The following SH3BGRL2 variants were observed in gnomAD, a reference collection of about 807,000 sequenced individuals.
SH3BGRL2 encodes the protein SH3 domain binding glutamate rich protein like 2, also known as SH3 domain-binding glutamic acid-rich-like protein 2.
SH3BGRL2 carries 21 observed loss-of-function variants against 14.8 expected under a neutral mutation model. That is an observed-to-expected ratio of 1.42 (90% CI 1.01 to 2.05). The LOEUF is 2.05. SH3BGRL2 is among the 30% of genes most tolerant of loss of function. The probability of loss-of-function intolerance (pLI) is 0.00; values close to 1 mark genes in which losing one functional copy is unlikely to be tolerated. For synonymous variants in SH3BGRL2, 50 were observed against 47.8 expected, an observed-to-expected ratio of 1.05 and a Z score of -0.19; for missense variants, 147 against 130.8, an observed-to-expected ratio of 1.12 and a Z score of -0.61.
At chr6:79,619,632 G>A in the SH3BGRL2 span, among the ~76,000 whole-genome samples, 1 of 152,182 alleles carries the variant, frequency 6.6e-6, no homozygotes, top group Non-Finnish European at 1.5e-5. Context: ...AACTCCACTT[G>A]CCTTTGCAGG....
chr6:79,611,667 C>A, the SH3BGRL2 span, among the ~76,000 whole-genome samples: 1 of 152,160 alleles, frequency 6.6e-6, no homozygotes, highest in East Asian at 1.9e-4. Flanking sequence ...CCACCTCGGC[C>A]TCCCAAAGTG....
intron 1 of SH3BGRL2, among the ~76,000 whole-genome samples, chr6:79,671,433 G>A (rs1769771661): frequency 6.6e-6 from 1 of 152,170 alleles, no homozygotes; most frequent in South Asian, 2.1e-4. Context: ...TGTGCAACAA[G>A]AGTGAAACTC....
intron 1 of SH3BGRL2, among the ~76,000 whole-genome samples, chr6:79,668,723 G>A (rs1304884704): frequency 6.6e-6 from 1 of 152,026 alleles, no homozygotes; most frequent in Middle Eastern, 3.2e-3. Context: ...AACCATTTGA[G>A]CAAAACAAAA....
intron 1 of SH3BGRL2, among the ~76,000 whole-genome samples, chr6:79,673,269 G>C (rs958240423): frequency 1.3e-5 from 2 of 152,084 alleles, no homozygotes; most frequent in Non-Finnish European, 2.9e-5. Flanking sequence ...GGGGAGTCTA[G>C]GTTGAAGAAA....
At chr6:79,668,606 G>A (rs1021839251) in intron 1 of SH3BGRL2, among the ~76,000 whole-genome samples, 1 of 152,028 alleles carries the variant, frequency 6.6e-6, no homozygotes, top group Admixed American at 6.6e-5. Context: ...TTAGTGGGGG[G>A]GAGTGGTTGA....
chr6:79,547,323 G>C, the SH3BGRL2 span, among the ~76,000 whole-genome samples: 1 of 152,102 alleles, frequency 6.6e-6, no homozygotes, highest in South Asian at 2.1e-4. Flanking sequence ...GCACAACCCA[G>C]AGATGAAGCT....
chr6:79,680,881 A>G (rs1202907679), intron 2 of SH3BGRL2, among the ~76,000 whole-genome samples: 3 of 152,208 alleles, frequency 2.0e-5, no homozygotes, highest in African/African-American at 7.2e-5. Context: ...ATTAGTGTCT[A>G]AAAACACAAC....
the SH3BGRL2 span, among the ~76,000 whole-genome samples, chr6:79,544,495 C>G: frequency 2.6e-5 from 4 of 152,138 alleles, no homozygotes; most frequent in Non-Finnish European, 5.9e-5. Context: ...TCAAAATCAA[C>G]CACGGTGAAA....
At chr6:79,660,761 T>C (rs1293510910) in intron 1 of SH3BGRL2, among the ~76,000 whole-genome samples, 1 of 152,196 alleles carries the variant, frequency 6.6e-6, no homozygotes, top group Admixed American at 6.5e-5. Context: ...TGTGAATCGG[T>C]CTGGTCCTGG....
intron 2 of SH3BGRL2, among the ~76,000 whole-genome samples, chr6:79,691,714 CA>C (rs1170877729): frequency 6.6e-6 from 1 of 151,028 alleles, no homozygotes; most frequent in East Asian, 1.9e-4. Context: ...CATAGTATTC[CA>C]TGGTGTATAT....
chr6:79,601,001 T>C, the SH3BGRL2 span, among the ~76,000 whole-genome samples: 1 of 151,052 alleles, frequency 6.6e-6, no homozygotes, highest in Admixed American at 6.6e-5. Context: ...GCTCTCTCTC[T>C]TCTCCCACCA....
intron 2 of SH3BGRL2, among the ~76,000 whole-genome samples, chr6:79,691,214 A>G (rs1770207276): frequency 6.6e-6 from 1 of 152,170 alleles, no homozygotes; most frequent in African/African-American, 2.4e-5. Context: ...TAGGCCATGT[A>G]GGGCCTTTCA....
At chr6:79,688,181 A>G (rs759802186) in intron 2 of SH3BGRL2, among the ~76,000 whole-genome samples, 1 of 151,744 alleles carries the variant, frequency 6.6e-6, no homozygotes, top group Non-Finnish European at 1.5e-5. Context: ...AAACAGAAGT[A>G]TAGGTGATGA....
chr6:79,656,263 C>T (rs1405472647), intron 1 of SH3BGRL2, among the ~76,000 whole-genome samples: 1 of 152,188 alleles, frequency 6.6e-6, no homozygotes, highest in Non-Finnish European at 1.5e-5. Context: ...GAGGTCATGA[C>T]TTGCTGGTTA....
the SH3BGRL2 span, among the ~76,000 whole-genome samples, chr6:79,546,767 A>G: frequency 6.7e-6 from 1 of 150,256 alleles, no homozygotes; most frequent in Middle Eastern, 3.2e-3. Flanking sequence ...ATCTCAGCTC[A>G]CTGTAACCTC....
intron 1 of SH3BGRL2, among the ~76,000 whole-genome samples, chr6:79,667,812 A>C (rs897792861): frequency 6.6e-6 from 1 of 152,118 alleles, no homozygotes; most frequent in Non-Finnish European, 1.5e-5. Flanking sequence ...AGAGATGCCA[A>C]GTAATATCTC....
the SH3BGRL2 span, among the ~76,000 whole-genome samples, chr6:79,615,433 C>A: frequency 6.6e-6 from 1 of 152,148 alleles, no homozygotes; most frequent in African/African-American, 2.4e-5. Flanking sequence ...CCTGATGCAC[C>A]TTACTGGTTA....
chr6:79,607,682 C>T, the SH3BGRL2 span, among the ~76,000 whole-genome samples: 989 of 152,260 alleles, frequency 6.5e-3, 40 homozygotes, highest in Admixed American at 0.059. Context: ...CGGTGGCTCA[C>T]GCCTGTAATC....
the SH3BGRL2 span, among the ~76,000 whole-genome samples, chr6:79,623,875 T>C: frequency 6.6e-6 from 1 of 152,254 alleles, no homozygotes; most frequent in African/African-American, 2.4e-5. Flanking sequence ...TTGTTTAAGC[T>C]GACTTTTCCA....
Sources: gnomAD v4.1 joint callset for allele counts (sites outside exome capture counted in the v4.1 genomes callset) on GRCh38, gnomAD v4.1.1 for gene constraint, MANE v1.5 for transcripts, NCBI Gene and HGNC (gene_info 2026-07-23, HGNC 2026-07-21) for gene names.